The following AZIN2 variants were observed in gnomAD, a reference collection of about 807,000 sequenced individuals.
AZIN2 encodes the protein ODC antizyme inhibitor-2.
In AZIN2, 28 loss-of-function variants were observed where a neutral mutation model predicts 47.8. The observed-to-expected ratio is 0.59, with a 90% confidence interval of 0.43 to 0.80. AZIN2 has a LOEUF of 0.80. Ranked by LOEUF, AZIN2 falls within the 30% of genes least tolerant of loss-of-function variation. The pLI, the probability that AZIN2 is intolerant of heterozygous loss-of-function variation, is 0.00. For missense variants in AZIN2, 535 were observed against 582.5 expected (o/e 0.92, Z 0.84); for synonymous variants, 221 against 239.4 (o/e 0.92, Z 0.71).
the AZIN2 span, among the ~76,000 whole-genome samples, chr1:33,137,056 T>C: frequency 5.3e-5 from 8 of 151,132 alleles, no homozygotes; most frequent in East Asian, 1.6e-3. Context: ...GGAGTGACGG[T>C]TGGCCAGGAG....
chr1:33,120,195 C>G lies in AZIN2; in HGVS notation c.*13C>G. ...GAGCATCATGTGAGTGGGCCTCGTT[C>G]CCCCCGGAGAATCCCAGCGGGGCCT... On this transcript the variant is annotated 3_prime_UTR_variant, in exon 12 of 12. Coordinates refer to ENST00000294517, the MANE Select transcript of AZIN2 (RefSeq NM_052998.4). The G allele has an allele frequency of 6.3e-7, 1 of 1,588,952 alleles. No individual in the cohort carries two copies. Among genetic ancestry groups the G allele is most frequent in the Non-Finnish European group, 8.6e-7 (1 of 1,161,826 alleles).
chr1:33,141,253 TCTC>T, the AZIN2 span, among the ~76,000 whole-genome samples: 1 of 151,674 alleles, frequency 6.6e-6, no homozygotes, highest in African/African-American at 2.4e-5. Context: ...GTGGGACCCT[TCTC>T]CTCTGAGCAC....
downstream of AZIN2, among the ~76,000 whole-genome samples, chr1:33,127,900 G>A (rs1051700648): frequency 1.3e-5 from 2 of 152,122 alleles, no homozygotes; most frequent in African/African-American, 4.8e-5. Flanking sequence ...GGCCTGTGCA[G>A]TGCGTCTTAA....
the AZIN2 span, among the ~76,000 whole-genome samples, chr1:33,132,581 T>G: frequency 3.3e-5 from 5 of 152,210 alleles, no homozygotes; most frequent in African/African-American, 9.6e-5. Context: ...CCCCCTAACC[T>G]TCCTCTCCTG....
At chr1:33,096,947 T>C (rs1643220784) in intron 9 of AZIN2, 78 bp downstream of exon 9, 15 of 1,572,232 alleles carry the variant, frequency 9.5e-6, no homozygotes, top group Non-Finnish European at 1.2e-5. Context: ...GATCTGGTTT[T>C]AGACCCAGTG....
At chr1:33,161,343 G>C in the AZIN2 span, among the ~76,000 whole-genome samples, 1 of 152,156 alleles carries the variant, frequency 6.6e-6, no homozygotes, top group African/African-American at 2.4e-5. The surrounding 1 kb of genome is among the most constrained non-coding windows in gnomAD (Gnocchi z 4.3). Context: ...ACGGGCTATA[G>C]AAGTGCGGCC....
rs1313892321 is a variant in AZIN2, at chr1:33,113,260, G to A, written c.1030-4642G>A. ...TGGGATTCCAGGCGTGAGCCACCGC[G>A]CCCAGCTGGTTTTATTATTTTTTTA... On this transcript the variant is annotated intron_variant, in intron 10 of 11. Coordinates refer to ENST00000294517, the MANE Select transcript of AZIN2 (RefSeq NM_052998.4). This position sits in a 1 kb window ranked among gnomAD's most constrained non-coding sequence, Gnocchi z 4.1. Among the ~76,000 whole-genome samples, 3 of 152,144 alleles carry A rather than the reference G, an allele frequency of 2.0e-5. No homozygotes were observed. The highest frequency in any genetic ancestry group is 7.2e-5 in the African/African-American group (3 of 41,428).
the AZIN2 span, among the ~76,000 whole-genome samples, chr1:33,161,113 T>C: frequency 6.6e-6 from 1 of 152,152 alleles, no homozygotes; most frequent in Non-Finnish European, 1.5e-5. The surrounding 1 kb of genome is among the most constrained non-coding windows in gnomAD (Gnocchi z 4.3). Context: ...CATTGTAGGA[T>C]TGTGGTGAAG....
chr1:33,145,203 C>T, the AZIN2 span, among the ~76,000 whole-genome samples: 143 of 152,316 alleles, frequency 9.4e-4, 1 homozygote, highest in East Asian at 0.025. Context: ...TGTGGTGTGG[C>T]ACTTGCCAGC....
chr1:33,100,869 C>CT (rs1223950757), intron 10 of AZIN2, among the ~76,000 whole-genome samples: 178 of 148,602 alleles, frequency 1.2e-3, no homozygotes, highest in Non-Finnish European at 1.8e-3. Context: ...CTCTCTCTCT[C>CT]TTTTTTTTTT....
At chr1:33,087,030 A>T (rs1348491632) in intron 5 of AZIN2, among the ~76,000 whole-genome samples, 1 of 152,200 alleles carries the variant, frequency 6.6e-6, no homozygotes, top group African/African-American at 2.4e-5. Context: ...TGAACTAATA[A>T]TACATGCAAA....
At chr1:33,152,238 C>T in the AZIN2 span, among the ~76,000 whole-genome samples, 3 of 152,228 alleles carry the variant, frequency 2.0e-5, no homozygotes, top group Admixed American at 1.3e-4. Context: ...ACATCATGCT[C>T]TTCCCAGCAT....
intron 8 of AZIN2, among the ~76,000 whole-genome samples, chr1:33,096,209 T>C (rs564645553): frequency 2.0e-5 from 3 of 152,232 alleles, no homozygotes; most frequent in South Asian, 4.2e-4. Flanking sequence ...TGGAAGTGGA[T>C]CATCATAAAG....
In AZIN2 at chr1:33,094,554, C is replaced by T. The variant is rs1276333094; in HGVS notation, c.594C>T (p.His198=). 6.2e-7 allele frequency: 1 copy of T among 1,609,404 alleles called. No individual in the cohort carries two copies. Among genetic ancestry groups the T allele is most frequent in the Non-Finnish European group, 8.5e-7 (1 of 1,176,094 alleles). ...GCTCTTCCTCTCTTCCCAGTTTTCA[C>T]ATTGGCAGTGGCTGTCCTGACCCTC... ...HHVEVVGVSF[H]IGSGCPDPQA... The change falls in exon 8 of 12, where the codon CAC becomes CAT. Residue 198 remains histidine (H), a synonymous_variant. Transcript: ENST00000294517.
the AZIN2 span, among the ~76,000 whole-genome samples, chr1:33,160,718 T>TA: frequency 4.6e-5 from 7 of 152,126 alleles, no homozygotes; most frequent in African/African-American, 1.2e-4. Flanking sequence ...GTCTTTATTT[T>TA]AAAAAAATCA....
chr1:33,087,353 G>C (rs917065572), intron 5 of AZIN2, among the ~76,000 whole-genome samples: 4 of 151,758 alleles, frequency 2.6e-5, no homozygotes, highest in African/African-American at 9.7e-5. Context: ...GGCTGGTCTC[G>C]AACTCCCGAC....
At chr1:33,156,953 C>A in the AZIN2 span, among the ~76,000 whole-genome samples, 1 of 149,232 alleles carries the variant, frequency 6.7e-6, no homozygotes, top group African/African-American at 2.5e-5. Context: ...ACTACCACCA[C>A]CCTGCTTCAC....
At position 33,113,869 on chromosome 1, in the gene AZIN2, T is replaced by C. The variant is rs927380104; in HGVS notation, c.1030-4033T>C. ...ATGCTACGGGCTACTTCATGGTATGTTGACATGTATTGGGAAAATTAAACT... is the reference window on the plus strand; with the variant it reads ...ATGCTACGGGCTACTTCATGGTATGCTGACATGTATTGGGAAAATTAAACT... On this transcript the variant is annotated intron_variant, in intron 10 of 11. Coordinates refer to ENST00000294517, the MANE Select transcript of AZIN2 (RefSeq NM_052998.4). The surrounding 1 kb of genome is among the most constrained non-coding windows in gnomAD (Gnocchi z 4.1). Among the ~76,000 whole-genome samples the C allele has an allele frequency of 5.3e-5, 8 of 152,212 alleles. No homozygotes were observed. The highest frequency in any genetic ancestry group is 1.9e-4 in the African/African-American group (8 of 41,460).
At chr1:33,156,874 T>C in the AZIN2 span, among the ~76,000 whole-genome samples, 1 of 152,144 alleles carries the variant, frequency 6.6e-6, no homozygotes, top group Admixed American at 6.6e-5. Flanking sequence ...GATTTGCTAA[T>C]CCGCTAGCAA....
Sources: allele counts gnomAD v4.1 joint callset (sites outside exome capture counted in the v4.1 genomes callset), GRCh38; gene constraint gnomAD v4.1.1; non-coding constraint Gnocchi (gnomAD v3.1); transcripts MANE v1.5; gene names NCBI Gene and HGNC (gene_info 2026-07-23, HGNC 2026-07-21).